Variants in YES1 observed in about 807,000 individuals in gnomAD.
YES1 encodes YES proto-oncogene 1, Src family tyrosine kinase.
Under a neutral mutation model 70.4 loss-of-function variants are expected in YES1, and 39 were observed. That is an observed-to-expected ratio of 0.55 (90% CI 0.43 to 0.72). The LOEUF is 0.72. Among genes scored for constraint, YES1 ranks in the 30% least tolerant of loss-of-function variants. The pLI is 0.00. For missense variants in YES1, 495 were observed against 644.8 expected (o/e 0.77, Z 2.52); for synonymous variants, 198 against 218.6 (o/e 0.91, Z 0.83).
intron 1 of YES1, among the ~76,000 whole-genome samples, chr18:765,247 ACTATATATATATATATATATATAT>A (rs1195447064): frequency 4.8e-5 from 3 of 62,366 alleles, no homozygotes; most frequent in African/African-American, 1.7e-4. Flanking sequence ...AAGAGTTACA[ACTATATATATATATATATATATAT>A]ATATATATAT....
intron 6 of YES1, among the ~76,000 whole-genome samples, chr18:744,108 G>A (rs902491521): frequency 2.0e-5 from 3 of 150,788 alleles, no homozygotes; most frequent in African/African-American, 7.3e-5. Flanking sequence ...TACTTAGTAT[G>A]TTCCACTATT....
intron 1 of YES1, among the ~76,000 whole-genome samples, chr18:757,396 G>A (rs967732494): frequency 3.3e-5 from 5 of 151,890 alleles, no homozygotes; most frequent in African/African-American, 7.3e-5. Context: ...CCAGCTACTC[G>A]GGAGGCTGAG....
In YES1 at chr18:732,940, T is replaced by C. The variant is rs368674281; in HGVS notation, c.1317A>G (p.Thr439=). 8.7e-5 allele frequency: 140 copies of C among 1,614,084 alleles called. No individual in the cohort carries two copies. The highest frequency in any genetic ancestry group is 1.1e-4 in the Non-Finnish European group (133 of 1,180,036). Residue 439 remains threonine (T), a synonymous_variant, in exon 11 of 12, where the codon ACA becomes ACG. Coordinates refer to ENST00000314574, the MANE Select transcript of YES1 (RefSeq NM_005433.4). ...RQGAKFPIKW[T]APEAALYGRF... is the part of the protein sequence containing the mutation. Reference sequence around the variant, plus strand: ...GACCATACAGTGCAGCTTCAGGAGCTGTCCATTTGATTGGAAATTTTGCAC... The same window carrying C: ...GACCATACAGTGCAGCTTCAGGAGCCGTCCATTTGATTGGAAATTTTGCAC...
intron 1 of YES1, among the ~76,000 whole-genome samples, chr18:773,779 A>G (rs1905254078): frequency 6.6e-6 from 1 of 152,168 alleles, no homozygotes; most frequent in Non-Finnish European, 1.5e-5. Flanking sequence ...TGACTAATAA[A>G]AGAAAAAAAT....
chr18:797,123 A>C (rs2064357754), intron 1 of YES1, among the ~76,000 whole-genome samples: 1 of 152,152 alleles, frequency 6.6e-6, no homozygotes, highest in Non-Finnish European at 1.5e-5. Flanking sequence ...ACAAAGAAAG[A>C]ATATCTATAA....
At chr18:788,290 T>C (rs1353622848) in intron 1 of YES1, among the ~76,000 whole-genome samples, 1 of 152,208 alleles carries the variant, frequency 6.6e-6, no homozygotes, top group Non-Finnish European at 1.5e-5. Flanking sequence ...GGGAGCCTTT[T>C]AGCGTGGGCT....
At chr18:806,321 T>A (rs1907094859) in intron 1 of YES1, among the ~76,000 whole-genome samples, 1 of 152,224 alleles carries the variant, frequency 6.6e-6, no homozygotes, top group Non-Finnish European at 1.5e-5. Context: ...TCAGTTCATA[T>A]TAGAAATATC....
intron 4 of YES1, among the ~76,000 whole-genome samples, chr18:747,240 C>T (rs1002092663): frequency 6.6e-6 from 1 of 152,160 alleles, no homozygotes; most frequent in Non-Finnish European, 1.5e-5. Flanking sequence ...AAGGCTGAGG[C>T]GGGTGGATCA....
chr18:738,254 GC>G (rs2080175760), intron 9 of YES1: 1 of 151,962 alleles, frequency 6.6e-6, no homozygotes. Flanking sequence ...CAATAATAAG[GC>G]CTCTCAAATA....
intron 8 of YES1, 104 bp from the exon 9 acceptor site, chr18:739,915 T>G: frequency 1.2e-6 from 1 of 833,896 alleles, no homozygotes; most frequent in Non-Finnish European, 1.7e-6. Flanking sequence ...TTCTTAGCTT[T>G]TCATTTTTTT....
chr18:732,503 T>C (rs988546106), intron 11 of YES1, among the ~76,000 whole-genome samples: 1 of 145,386 alleles, frequency 6.9e-6, no homozygotes, highest in Admixed American at 6.9e-5. Context: ...ATTTAGGGTA[T>C]AGGGTGGATG....
At chr18:735,283 A>G (rs59032922) in intron 10 of YES1, among the ~76,000 whole-genome samples, 18,155 of 152,146 alleles carry the variant, frequency 0.12, 1,214 homozygotes, top group East Asian at 0.27. Flanking sequence ...ATAAAAAAAA[A>G]TGTGGCATAT....
intron 1 of YES1, among the ~76,000 whole-genome samples, chr18:764,981 G>T (rs1294479277): frequency 4.0e-5 from 6 of 151,706 alleles, no homozygotes; most frequent in East Asian, 2.0e-4. Context: ...TGATCCGTCC[G>T]CCTTAGCCTC....
At chr18:730,507 A>C (rs534688818) in intron 11 of YES1, among the ~76,000 whole-genome samples, 7 of 151,988 alleles carry the variant, frequency 4.6e-5, no homozygotes, top group African/African-American at 1.7e-4. Flanking sequence ...ACCACGCCCA[A>C]CTGGAATTTT....
chr18:742,525 T>C (rs2080227964), intron 8 of YES1, among the ~76,000 whole-genome samples: 1 of 152,102 alleles, frequency 6.6e-6, no homozygotes, highest in Non-Finnish European at 1.5e-5. Context: ...ATAGGAATTA[T>C]GTTTATATTA....
At chr18:733,473 A>C (rs1193262503) in intron 10 of YES1, among the ~76,000 whole-genome samples, 1 of 152,170 alleles carries the variant, frequency 6.6e-6, no homozygotes, top group Admixed American at 6.6e-5. Context: ...TATGCTAATC[A>C]CTATGGAAAC....
In YES1 at chr18:726,852, G is replaced by A. The variant is rs370382933; in HGVS notation, c.1424-2220C>T. Among the ~76,000 whole-genome samples the A allele has an allele frequency of 3.7e-4, 49 of 132,276 alleles. No homozygotes were observed. The East Asian group carries it at 8.7e-3, about 23-fold the overall frequency. 86.8% of individuals were successfully genotyped at this position (132,276 alleles called of 152,430 possible). A position where few individuals can be genotyped will look rare whatever the true frequency, so the allele number is the denominator to read the frequency against. On this transcript the variant is annotated intron_variant, in intron 11 of 11. Transcript: ENST00000314574. ...AATACTTAGCATACTGTCAATAAAT[G>A]TAAGGATTTCATACCTGTTAGCATT... is the stretch of plus-strand genomic sequence containing the variant.
chr18:751,874 G>C (rs1466215080), intron 2 of YES1, 70 bp from the exon 3 acceptor site: 35 of 883,636 alleles, frequency 4.0e-5, no homozygotes, highest in Non-Finnish European at 5.8e-5. Flanking sequence ...AAGAACTATT[G>C]CCAGCCAAAA....
intron 3 of YES1, among the ~76,000 whole-genome samples, chr18:750,601 A>G (rs1208776733): frequency 6.6e-6 from 1 of 152,196 alleles, no homozygotes; most frequent in South Asian, 2.1e-4. Context: ...GTCTAAAAGA[A>G]TAACAAGCAA....
Sources: allele counts gnomAD v4.1 joint callset (sites outside exome capture counted in the v4.1 genomes callset), GRCh38; gene constraint gnomAD v4.1.1; transcripts MANE v1.5; gene names NCBI Gene and HGNC (gene_info 2026-07-23, HGNC 2026-07-21).